SPEF2: variants seen among roughly 807,000 people sequenced by gnomAD.
The protein encoded by SPEF2 is sperm flagellar and cilia associated 2.
Under a neutral mutation model 224.6 loss-of-function variants are expected in SPEF2, and 187 were observed. The ratio of observed to expected loss-of-function variants is 0.83; its 90% confidence interval spans 0.74 to 0.94. SPEF2 has a LOEUF of 0.94. Among genes scored for constraint, SPEF2 ranks in the 40% least tolerant of loss-of-function variants. SPEF2 has a pLI of 0.00. For synonymous variants in SPEF2, 715 were observed against 707.3 expected, an observed-to-expected ratio of 1.01 and a Z score of -0.17; for missense variants, 2,170 against 2,135.6, an observed-to-expected ratio of 1.02 and a Z score of -0.32.
chr5:35,659,112 GAAAAGGAAGTTTTATGGC>G lies in SPEF2; in HGVS notation c.1077_1094del (p.Lys359_Gln364del), dbSNP rs765989049. 1.7e-5 allele frequency: 27 copies of G among 1,613,182 alleles called. No individual in the cohort carries two copies. The highest frequency in any genetic ancestry group is 1.9e-5 in the Non-Finnish European group (23 of 1,179,540). On this transcript the variant is annotated inframe_deletion, in exon 8 of 37. Transcript: ENST00000356031. The stretch of plus-strand genomic sequence containing the variant: ...CGTGCAGCTCATGCATGTTCGGCAT[GAAAAGGAAGTTTTATGGC>G]AAAACAGAATTTTCAGAGAAAAACA...
chr5:35,696,035 T>C, intron 14 of SPEF2, among the ~76,000 whole-genome samples: 1 of 152,220 alleles, frequency 6.6e-6, no homozygotes. Context: ...AACTTGTGCT[T>C]TTAAAACTTT....
intron 1 of SPEF2, among the ~76,000 whole-genome samples, chr5:35,619,960 G>A (rs558814739): frequency 2.0e-5 from 3 of 152,200 alleles, no homozygotes; most frequent in Admixed American, 1.3e-4. Context: ...CTCCTGAAGT[G>A]TAGATCTGGA....
At chr5:35,621,814 CTG>C (rs1421136970) in intron 1 of SPEF2, among the ~76,000 whole-genome samples, 1 of 152,104 alleles carries the variant, frequency 6.6e-6, no homozygotes, top group African/African-American at 2.4e-5. Flanking sequence ...CTAATATGTG[CTG>C]TGTTTTACTT....
Position 35,792,336 on chromosome 5 carries a change from A to G in SPEF2, c.4448-4A>G, listed in dbSNP as rs760854083. 1 of 1,611,994 alleles carries G rather than the reference A, an allele frequency of 6.2e-7. No individual in the cohort carries two copies. The highest frequency in any genetic ancestry group is 8.5e-7 in the Non-Finnish European group (1 of 1,178,578). ...GTGACAAAATATTTTTCATTGTATT[A>G]TAGGCATAATAGGAAATAAAGCATT... On this transcript the variant is annotated splice_region_variant and splice_polypyrimidine_tract_variant and intron_variant, in intron 30 of 36. Coordinates refer to ENST00000356031, the MANE Select transcript of SPEF2 (RefSeq NM_024867.4).
intron 10 of SPEF2, among the ~76,000 whole-genome samples, chr5:35,681,454 A>T (rs375102895): frequency 1.3e-5 from 2 of 152,210 alleles, no homozygotes; most frequent in Non-Finnish European, 2.9e-5. Flanking sequence ...ATTTGAAGAT[A>T]TCTAAAAAAT....
At position 35,799,887 on chromosome 5, in the gene SPEF2, T is replaced by TG. The variant is rs781683028; in HGVS notation, c.4831-77dup. On this transcript the variant is annotated intron_variant, in intron 33 of 36. Coordinates refer to ENST00000356031, the MANE Select transcript of SPEF2 (RefSeq NM_024867.4). ...GAAGGCAACCTTATTCCAAAGCTCC[T>TG]GGGGAGATTCTTCATTGCATGACTA... 2.9e-4 allele frequency: 438 copies of TG among 1,496,072 alleles called. 3 individuals carry two copies. The highest frequency in any genetic ancestry group is 3.8e-4 in the Non-Finnish European group (411 of 1,092,034). 92.7% of individuals were successfully genotyped at this position (1,496,072 alleles called of 1,614,324 possible).
chr5:35,724,853 G>A (rs1744368394), intron 20 of SPEF2, among the ~76,000 whole-genome samples: 2 of 152,204 alleles, frequency 1.3e-5, no homozygotes, highest in South Asian at 4.1e-4. Flanking sequence ...ACAGAGGGCA[G>A]AAAGGGGAAT....
chr5:35,701,909 T>A (rs1474763954), intron 16 of SPEF2, among the ~76,000 whole-genome samples: 1 of 152,020 alleles, frequency 6.6e-6, no homozygotes, highest in African/African-American at 2.4e-5. Flanking sequence ...AGCCCAGGAA[T>A]TCAAGGCTGC....
intron 21 of SPEF2, among the ~76,000 whole-genome samples, chr5:35,731,866 C>T (rs1227902851): frequency 1.3e-5 from 2 of 152,156 alleles, no homozygotes; most frequent in Non-Finnish European, 2.9e-5. Context: ...AATTACATCT[C>T]AGGGGCTGGA....
At chr5:35,792,730 T>C (rs1756135449) in intron 31 of SPEF2, among the ~76,000 whole-genome samples, 1 of 152,346 alleles carries the variant, frequency 6.6e-6, no homozygotes, top group South Asian at 2.1e-4. Context: ...TGATCCTAAC[T>C]AGTAATAGTA....
At chr5:35,634,415 A>G (rs534762513) in intron 2 of SPEF2, among the ~76,000 whole-genome samples, 78 of 152,122 alleles carry the variant, frequency 5.1e-4, no homozygotes, top group African/African-American at 1.8e-3. Flanking sequence ...TTTTCTCTTG[A>G]TGCTTTTAAG....
intron 10 of SPEF2, 34 bp downstream of exon 10, chr5:35,670,261 A>G (rs779725466): frequency 1.3e-6 from 2 of 1,546,138 alleles, no homozygotes; most frequent in Admixed American, 2.2e-5. Flanking sequence ...AGAATGCTAC[A>G]TAATAAATCC....
chr5:35,780,186 A>G (rs1271184303), intron 30 of SPEF2, among the ~76,000 whole-genome samples: 1 of 152,198 alleles, frequency 6.6e-6, no homozygotes, highest in African/African-American at 2.4e-5. Context: ...TTCAACATAT[A>G]CTACTTATTG....
intron 30 of SPEF2, among the ~76,000 whole-genome samples, chr5:35,781,032 C>T (rs1754273050): frequency 6.6e-6 from 1 of 151,840 alleles, no homozygotes; most frequent in African/African-American, 2.4e-5. Flanking sequence ...AAGATTAACT[C>T]TAGAAACCCT....
At chr5:35,793,127 A>G in intron 31 of SPEF2, 32 bp from the exon 32 acceptor site, 1 of 1,586,926 alleles carries the variant, frequency 6.3e-7, no homozygotes, top group Non-Finnish European at 8.6e-7. Flanking sequence ...ATTCATGTAG[A>G]TATTCCAAAG....
intron 10 of SPEF2, among the ~76,000 whole-genome samples, chr5:35,688,680 A>G (rs997913609): frequency 5.9e-5 from 9 of 152,126 alleles, no homozygotes; most frequent in Admixed American, 2.0e-4. Flanking sequence ...CCGGGTTCCA[A>G]TCTAGGTTTT....
intron 34 of SPEF2, among the ~76,000 whole-genome samples, chr5:35,801,520 A>C (rs1339445449): frequency 6.6e-6 from 1 of 152,166 alleles, no homozygotes; most frequent in Non-Finnish European, 1.5e-5. Flanking sequence ...CTCAAAAAAA[A>C]AAAAAATTCC....
At chr5:35,767,747 A>C (rs1189117883) in intron 26 of SPEF2, among the ~76,000 whole-genome samples, 2 of 152,114 alleles carry the variant, frequency 1.3e-5, no homozygotes, top group African/African-American at 4.8e-5. Context: ...AAAGGAAAAT[A>C]AGTATTAGAT....
chr5:35,624,753 C>G (rs1341108773), intron 1 of SPEF2, among the ~76,000 whole-genome samples: 1 of 152,192 alleles, frequency 6.6e-6, no homozygotes, highest in Non-Finnish European at 1.5e-5. Flanking sequence ...TCCCCTGCCT[C>G]AGCATCCCGA....
Sources: gnomAD v4.1 joint callset for allele counts (sites outside exome capture counted in the v4.1 genomes callset) on GRCh38, gnomAD v4.1.1 for gene constraint, MANE v1.5 for transcripts, NCBI Gene and HGNC (gene_info 2026-07-23, HGNC 2026-07-21) for gene names.